VASN: variants seen among roughly 807,000 people sequenced by gnomAD.
The protein encoded by VASN is vasorin.
A neutral mutation model predicts 4.8 loss-of-function variants in VASN; 5 were observed. The ratio of observed to expected loss-of-function variants is 1.03; its 90% CI spans 0.54 to 2.17. The LOEUF (loss-of-function observed/expected upper bound fraction) is 2.17, where lower values mean the gene tolerates loss of function less well. VASN is among the 30% of genes most tolerant of loss of function. The pLI, the probability that VASN is intolerant of heterozygous loss-of-function variation, is 0.01. For synonymous variants in VASN, 499 were observed against 460.8 expected (o/e 1.08, Z -1.06); for missense variants, 927 against 948.8 (o/e 0.98, Z 0.30).
intron 1 of VASN, among the ~76,000 whole-genome samples, chr16:4,375,878 C>T (rs1017247489): frequency 1.3e-5 from 2 of 152,244 alleles, no homozygotes; most frequent in South Asian, 2.1e-4. Flanking sequence ...TGCAGCCCGG[C>T]GGGCAAAGCC....
rs1359256923 is a variant in VASN, at chr16:4,383,118, G to A, written c.*219G>A. 1 of 555,668 alleles carries A rather than the reference G, an allele frequency of 1.8e-6. No homozygotes were observed. The highest frequency in any genetic ancestry group is 2.0e-5 in the African/African-American group (1 of 50,534). The allele number at this position is 555,668 out of a possible 1,614,324, so 34.4% of individuals were successfully genotyped here. A position where few individuals can be genotyped will look rare whatever the true frequency, so the allele number is the denominator to read the frequency against. On this transcript the variant is annotated 3_prime_UTR_variant, in exon 2 of 2. Coordinates refer to ENST00000304735, the MANE Select transcript of VASN (RefSeq NM_138440.3). The stretch of plus-strand genomic sequence containing the variant: ...CGAGCCCTAACGTCCCCAGAACCGA[G>A]TGCCTATGAGGACAGTGTCCGCCCT...
rs1457624940 is a variant in VASN, at chr16:4,381,779, A to G, written c.902A>G (p.Asn301Ser). The change falls in exon 2 of 2, where the codon AAC (asparagine) becomes AGC (serine). Residue 301 changes from asparagine to serine, a missense_variant. Asn to Ser is a conservative substitution (Grantham distance 46, BLOSUM62 1). Coordinates refer to ENST00000304735, the MANE Select transcript of VASN (RefSeq NM_138440.3). ...CTGGCAGCTGCCCGCAACCCCTTCA[A>G]CTGCGTGTGCCCCCTGAGCTGGTTT... ...RLLAAARNPF[N>S]CVCPLSWFGP... 3 of 1,600,832 alleles carry G rather than the reference A, an allele frequency of 1.9e-6. No individual in the cohort carries two copies. Among genetic ancestry groups the G allele is most frequent in the Non-Finnish European group, 2.5e-6 (3 of 1,179,382 alleles).
chr16:4,381,619 G>T lies in VASN; in HGVS notation c.742G>T (p.Gly248Cys), dbSNP rs369181902. The T allele has an allele frequency of 1.3e-6, 2 of 1,597,578 alleles. No homozygotes were observed. Among genetic ancestry groups the T allele is most frequent in the East Asian group, 4.5e-5 (2 of 44,080 alleles). Residue 248 changes from glycine (G) to cysteine (C), a missense_variant, in exon 2 of 2, where the codon GGC (glycine) becomes TGC (cysteine). Gly to Cys is a radical substitution (Grantham distance 159, BLOSUM62 -3). Coordinates refer to ENST00000304735, the MANE Select transcript of VASN (RefSeq NM_138440.3). ...LRGLTRLRLAGNTRIAQLRPE... is the reference protein window; with the variant it reads ...LRGLTRLRLACNTRIAQLRPE... ...GGGCCTGACGCGCCTGCGGCTGGCC[G>T]GCAACACCCGCATTGCCCAGCTGCG...
intron 1 of VASN, among the ~76,000 whole-genome samples, chr16:4,374,107 C>G (rs2054629245): frequency 7.0e-6 from 1 of 142,514 alleles, no homozygotes; most frequent in African/African-American, 2.8e-5. Flanking sequence ...GTGTGTGTGT[C>G]TGCAGGAGCA....
At chr16:4,378,393 T>C (rs1219629973) in intron 1 of VASN, among the ~76,000 whole-genome samples, 1 of 151,878 alleles carries the variant, frequency 6.6e-6, no homozygotes, top group Admixed American at 6.6e-5. Flanking sequence ...CTCTGGAACC[T>C]GGCTGCATCC....
In VASN at chr16:4,381,938, C is replaced by A. The variant is rs1382467760; in HGVS notation, c.1061C>A (p.Thr354Asn). ...YADFGCPATT[T>N]TATVPTTRPV... Reference sequence around the variant, plus strand: ...GACTTTGGCTGCCCAGCCACCACCACCACAGCCACAGTGCCCACCACGAGG... The same window carrying A: ...GACTTTGGCTGCCCAGCCACCACCAACACAGCCACAGTGCCCACCACGAGG... The change falls in exon 2 of 2, where the codon ACC becomes AAC. Residue 354 changes from threonine to asparagine, a missense_variant. Thr to Asn is a moderately conservative substitution (Grantham distance 65). Coordinates refer to ENST00000304735, the MANE Select transcript of VASN (RefSeq NM_138440.3). 1.2e-6 allele frequency: 2 copies of A among 1,607,716 alleles called. No individual in the cohort carries two copies. The highest frequency in any genetic ancestry group is 2.7e-5 in the African/African-American group (2 of 74,864).
In VASN at chr16:4,381,715, C is replaced by G; in HGVS notation, c.838C>G (p.Pro280Ala). ...GAGCAACCTAAGCCTGCAGGCCCTGCCTGGCGACCTCTCGGGCCTCTTCCC... is the reference window on the plus strand; with the variant it reads ...GAGCAACCTAAGCCTGCAGGCCCTGGCTGGCGACCTCTCGGGCCTCTTCCC... ...DVSNLSLQALPGDLSGLFPRL... is the reference protein window; with the variant it reads ...DVSNLSLQALAGDLSGLFPRL... Residue 280 changes from proline (P) to alanine (A), a missense_variant, in exon 2 of 2, where the codon CCT (proline) becomes GCT (alanine). Transcript: ENST00000304735. 6.2e-7 allele frequency: 1 copy of G among 1,607,238 alleles called. No individual in the cohort carries two copies. Among genetic ancestry groups the G allele is most frequent in the Non-Finnish European group, 8.5e-7 (1 of 1,179,410 alleles).
chr16:4,382,980 G>C lies in VASN; in HGVS notation c.*81G>C. On this transcript the variant is annotated 3_prime_UTR_variant, in exon 2 of 2. Transcript: ENST00000304735. ...CCCCTCCTGCTGCCACACCACGTAAGTTCTCAGTCCCAACCTCGGGGATGT... is the reference window on the plus strand; with the variant it reads ...CCCCTCCTGCTGCCACACCACGTAACTTCTCAGTCCCAACCTCGGGGATGT... 5 of 1,398,830 alleles carry C rather than the reference G, an allele frequency of 3.6e-6. No homozygotes were observed. Among genetic ancestry groups the C allele is most frequent in the South Asian group, 3.0e-5 (2 of 66,178 alleles). 86.7% of individuals were successfully genotyped at this position (1,398,830 alleles called of 1,614,324 possible). A position where few individuals can be genotyped will look rare whatever the true frequency, so the allele number is the denominator to read the frequency against.
Position 4,382,240 on chromosome 16 carries a change from C to A in VASN, c.1363C>A (p.Pro455Thr). ...GCAGGGGACACGGCCCAGCCCTACACCAGTCACGCCGAGGCCACCACGGTC... is the reference window on the plus strand; with the variant it reads ...GCAGGGGACACGGCCCAGCCCTACAACAGTCACGCCGAGGCCACCACGGTC... ...MGQGTRPSPT[P>T]VTPRPPRSLT... is the part of the protein sequence containing the mutation. The change falls in exon 2 of 2, where the codon CCA becomes ACA. Residue 455 changes from proline (P) to threonine (T), a missense_variant. Pro to Thr is a conservative substitution (Grantham distance 38). Transcript: ENST00000304735. The A allele has an allele frequency of 6.2e-7, 1 of 1,607,240 alleles. No homozygotes were observed. Among genetic ancestry groups the A allele is most frequent in the East Asian group, 2.2e-5 (1 of 44,650 alleles).
At chr16:4,373,481 C>T (rs1028697125) in intron 1 of VASN, among the ~76,000 whole-genome samples, 2 of 152,116 alleles carry the variant, frequency 1.3e-5, no homozygotes, top group Non-Finnish European at 2.9e-5. Context: ...CCTCTCTCTC[C>T]ATATTCTGGG....
intron 1 of VASN, among the ~76,000 whole-genome samples, chr16:4,379,158 C>T (rs2054863288): frequency 6.6e-6 from 1 of 152,058 alleles, no homozygotes; most frequent in Admixed American, 6.5e-5. Flanking sequence ...GGGTCGGGGT[C>T]GTGTTCCCTG....
At position 4,381,762 on chromosome 16, in the gene VASN, T is replaced by C; in HGVS notation, c.885T>C (p.Ala295=). The change falls in exon 2 of 2, where the codon GCT becomes GCC. Residue 295 remains alanine, a synonymous_variant. Coordinates refer to ENST00000304735, the MANE Select transcript of VASN (RefSeq NM_138440.3). The stretch of plus-strand genomic sequence containing the variant: ...TCCCCCGCCTGCGGCTGCTGGCAGC[T>C]GCCCGCAACCCCTTCAACTGCGTGT... The part of the protein sequence containing the change: ...GLFPRLRLLA[A]ARNPFNCVCP... The C allele has an allele frequency of 6.2e-7, 1 of 1,602,422 alleles. No homozygotes were observed. The highest frequency in any genetic ancestry group is 8.5e-7 in the Non-Finnish European group (1 of 1,179,380).
In VASN at chr16:4,381,470, G is replaced by T; in HGVS notation, c.593G>T (p.Arg198Leu). Residue 198 changes from arginine to leucine, a missense_variant, in exon 2 of 2, where the codon CGG becomes CTG. Transcript: ENST00000304735. ...ILDTANVEALRLAGLGLQQLD... is the reference protein window; with the variant it reads ...ILDTANVEALLLAGLGLQQLD... ...GACACTGCCAACGTGGAGGCGCTGC[G>T]GCTGGCTGGTCTGGGGCTGCAGCAG... 2 of 1,582,012 alleles carry T rather than the reference G, an allele frequency of 1.3e-6. No individual in the cohort carries two copies. Among genetic ancestry groups the T allele is most frequent in the East Asian group, 2.3e-5 (1 of 42,714 alleles).
Position 4,381,120 on chromosome 16 carries a change from G to A in VASN, c.243G>A (p.Leu81=). Residue 81 remains leucine, a synonymous_variant, in exon 2 of 2, where the codon CTG becomes CTA. Transcript: ENST00000304735. ...SFAGLPGLQL[L]DLSQNQIASL... ...CCGGCCTGCCGGGCCTGCAGCTCCT[G>A]GACCTGTCACAGAACCAGATCGCCA... The A allele has an allele frequency of 6.2e-7, 1 of 1,609,804 alleles. No individual in the cohort carries two copies. Among genetic ancestry groups the A allele is most frequent in the Non-Finnish European group, 8.5e-7 (1 of 1,178,740 alleles).
Position 4,380,946 on chromosome 16 carries a change from C to G in VASN, c.69C>G (p.Gly23=). ...TGGCCCTGGGGCCTGGGGTGCAGGG[C>G]TGCCCATCCGGCTGCCAGTGCAGCC... ...LLLALGPGVQ[G]CPSGCQCSQP... Residue 23 remains glycine, a synonymous_variant, in exon 2 of 2, where the codon GGC becomes GGG. Transcript: ENST00000304735. 6.3e-7 allele frequency: 1 copy of G among 1,598,448 alleles called. No homozygotes were observed. The highest frequency in any genetic ancestry group is 8.5e-7 in the Non-Finnish European group (1 of 1,175,720).
At position 4,372,307 on chromosome 16, in the gene VASN, T is replaced by C. The variant is rs1473911888; in HGVS notation, c.-10+314T>C. Among the ~76,000 whole-genome samples the C allele has an allele frequency of 2.6e-5, 4 of 152,206 alleles. No homozygotes were observed. In the East Asian group the frequency reaches 7.7e-4, roughly 29 times the overall value. Reference sequence around the variant, plus strand: ...TCCTCCCACGGCTGGGCCTCCGGCATGACCAGTTTTATGAATCAAACCCCT... The same window carrying C: ...TCCTCCCACGGCTGGGCCTCCGGCACGACCAGTTTTATGAATCAAACCCCT... On this transcript the variant is annotated intron_variant, in intron 1 of 1. Transcript: ENST00000304735.
In VASN at chr16:4,376,141, C is replaced by T. The variant is rs546096065; in HGVS notation, c.-10+4148C>T. 3.9e-5 allele frequency among the ~76,000 whole-genome samples: 6 copies of T among 152,300 alleles called. No individual in the cohort carries two copies. The East Asian group carries it at 5.8e-4, about 15-fold the overall frequency. Reference sequence around the variant, plus strand: ...AGTCCCTGAGGAACTCGAGGCCCAGCCCTCTCTGCCCCTTCTGTGAGGGCC... The same window carrying T: ...AGTCCCTGAGGAACTCGAGGCCCAGTCCTCTCTGCCCCTTCTGTGAGGGCC... On this transcript the variant is annotated intron_variant, in intron 1 of 1. Coordinates refer to ENST00000304735, the MANE Select transcript of VASN (RefSeq NM_138440.3).
Position 4,381,969 on chromosome 16 carries a change from G to A in VASN, c.1092G>A (p.Val364=). ...TTATVPTTRP[V]VREPTALSSS... Reference sequence around the variant, plus strand: ...CCACAGTGCCCACCACGAGGCCCGTGGTGCGGGAGCCCACAGCCTTGTCTT... The same window carrying A: ...CCACAGTGCCCACCACGAGGCCCGTAGTGCGGGAGCCCACAGCCTTGTCTT... The change falls in exon 2 of 2, where the codon GTG becomes GTA. Residue 364 remains valine, a synonymous_variant. Transcript: ENST00000304735. 6.2e-7 allele frequency: 1 copy of A among 1,608,238 alleles called. No homozygotes were observed. Among genetic ancestry groups the A allele is most frequent in the South Asian group, 1.1e-5 (1 of 90,616 alleles).
chr16:4,381,966 C>T lies in VASN; in HGVS notation c.1089C>T (p.Pro363=), dbSNP rs781472559. 26 of 1,608,194 alleles carry T rather than the reference C, an allele frequency of 1.6e-5. No individual in the cohort carries two copies. In the Admixed American group the frequency reaches 3.2e-4, roughly 20 times the overall value. Residue 363 remains proline (P), a synonymous_variant, in exon 2 of 2, where the codon CCC becomes CCT. Coordinates refer to ENST00000304735, the MANE Select transcript of VASN (RefSeq NM_138440.3). ...TTTATVPTTR[P]VVREPTALSS... is the part of the protein sequence containing the mutation. ...CAGCCACAGTGCCCACCACGAGGCC[C>T]GTGGTGCGGGAGCCCACAGCCTTGT...
Sources: gnomAD v4.1 joint callset for allele counts (sites outside exome capture counted in the v4.1 genomes callset) on GRCh38, gnomAD v4.1.1 for gene constraint, MANE v1.5 for transcripts, NCBI Gene and HGNC (gene_info 2026-07-23, HGNC 2026-07-21) for gene names.